Variants in KIRREL3 observed in about 807,000 individuals in gnomAD.
KIRREL3 encodes the protein kirre like nephrin family adhesion molecule 3, also known as kin of IRRE-like protein 3.
Under a neutral mutation model 89.7 loss-of-function variants are expected in KIRREL3, and 36 were observed. That is an observed-to-expected ratio of 0.40 (90% confidence interval 0.31 to 0.53). KIRREL3 has a LOEUF of 0.53. Ranked by LOEUF, KIRREL3 falls within the 20% of genes least tolerant of loss-of-function variation. The probability of loss-of-function intolerance (pLI) is 0.49; values close to 1 mark genes in which losing one functional copy is unlikely to be tolerated. For missense variants in KIRREL3, 864 were observed against 1,056.6 expected (o/e 0.82, Z 2.53); for synonymous variants, 445 against 441.4 (o/e 1.01, Z -0.10).
At position 126,645,397 on chromosome 11, in the gene KIRREL3, C is replaced by G. The variant is rs1053520229; in HGVS notation, c.56-82485G>C. Among the ~76,000 whole-genome samples, 1 of 152,144 alleles carries G rather than the reference C, an allele frequency of 6.6e-6. No homozygotes were observed. Among genetic ancestry groups the G allele is most frequent in the African/African-American group, 2.4e-5 (1 of 41,436 alleles). On this transcript the variant is annotated intron_variant, in intron 1 of 16. Transcript: ENST00000525144. The surrounding 1 kb of genome is among the most constrained non-coding windows in gnomAD (Gnocchi z 4.9). ...GGTATGCCAGCCTTTCTCCTTCCAC[C>G]GTGAGCCATTTGAGGGCAGAGACCA...
In KIRREL3 at chr11:126,535,547, A is replaced by T. The variant is rs1046705470; in HGVS notation, c.134-8860T>A. 6.6e-6 allele frequency among the ~76,000 whole-genome samples: 1 copy of T among 151,704 alleles called. No homozygotes were observed. Among genetic ancestry groups the T allele is most frequent in the African/African-American group, 2.4e-5 (1 of 41,190 alleles). On this transcript the variant is annotated intron_variant, in intron 2 of 16. Coordinates refer to ENST00000525144, the MANE Select transcript of KIRREL3 (RefSeq NM_032531.4). The surrounding 1 kb of genome is among the most constrained non-coding windows in gnomAD (Gnocchi z 4.5). Reference sequence around the variant, plus strand: ...CCACGTCACTCGGTGTGATGGTCTTAGGGCAGCACTGCAGGGTGCTGGGTC... The same window carrying T: ...CCACGTCACTCGGTGTGATGGTCTTTGGGCAGCACTGCAGGGTGCTGGGTC...
rs923062723 is a variant in KIRREL3, at chr11:126,563,962, A to G, written c.56-1050T>C. 3.9e-5 allele frequency among the ~76,000 whole-genome samples: 6 copies of G among 152,226 alleles called. No individual in the cohort carries two copies. Among genetic ancestry groups the G allele is most frequent in the African/African-American group, 1.4e-4 (6 of 41,462 alleles). On this transcript the variant is annotated intron_variant, in intron 1 of 16. Coordinates refer to ENST00000525144, the MANE Select transcript of KIRREL3 (RefSeq NM_032531.4). This position sits in a 1 kb window ranked among gnomAD's most constrained non-coding sequence, Gnocchi z 6.8. ...AATTGAGGTTCAACCATGTTAAATG[A>G]CTTCCCACGATTGTCTTAGACCCCC... is the stretch of plus-strand genomic sequence containing the variant.
rs1957625159 is a variant in KIRREL3 at position 126,495,201 on chromosome 11, C to T, written c.434-21735G>A. ...GACAGATGGAGGAGGACACTTAGGG[C>T]AGGGCCTGCAAACTGGCTCTTCCTT... On this transcript the variant is annotated intron_variant, in intron 4 of 16. Transcript: ENST00000525144. This position sits in a 1 kb window ranked among gnomAD's most constrained non-coding sequence, Gnocchi z 6.5. Among the ~76,000 whole-genome samples, 1 of 152,154 alleles carries T rather than the reference C, an allele frequency of 6.6e-6. No homozygotes were observed. The highest frequency in any genetic ancestry group is 1.5e-5 in the Non-Finnish European group (1 of 68,030).
rs1371254373 is a variant in KIRREL3, at chr11:126,723,434, A to G, written c.56-160522T>C. Among the ~76,000 whole-genome samples, 3 of 152,252 alleles carry G rather than the reference A, an allele frequency of 2.0e-5. No individual in the cohort carries two copies. Among genetic ancestry groups the G allele is most frequent in the South Asian group, 2.1e-4 (1 of 4,822 alleles). On this transcript the variant is annotated intron_variant, in intron 1 of 16. Coordinates refer to ENST00000525144, the MANE Select transcript of KIRREL3 (RefSeq NM_032531.4). The surrounding 1 kb of genome is among the most constrained non-coding windows in gnomAD (Gnocchi z 4.0). Reference sequence around the variant, plus strand: ...TTCACTCTACCATAAAGAGGTAACAATTTAAAAAAATCAACTCTCCTCAGC... The same window carrying G: ...TTCACTCTACCATAAAGAGGTAACAGTTTAAAAAAATCAACTCTCCTCAGC...
At position 126,612,738 on chromosome 11, in the gene KIRREL3, G is replaced by A. The variant is rs1236170909; in HGVS notation, c.56-49826C>T. On this transcript the variant is annotated intron_variant, in intron 1 of 16. Transcript: ENST00000525144. The surrounding 1 kb of genome is among the most constrained non-coding windows in gnomAD (Gnocchi z 4.5). ...CCTATACTGGACACTCCTACAACAT[G>A]TGGCCTTTTGTGTCCGTCTCCTTTC... Among the ~76,000 whole-genome samples, 1 of 152,128 alleles carries A rather than the reference G, an allele frequency of 6.6e-6. No homozygotes were observed. The highest frequency in any genetic ancestry group is 2.4e-5 in the African/African-American group (1 of 41,400).
chr11:126,686,537 G>A lies in KIRREL3; in HGVS notation c.56-123625C>T, dbSNP rs1946672131. Among the ~76,000 whole-genome samples, 1 of 152,096 alleles carries A rather than the reference G, an allele frequency of 6.6e-6. No individual in the cohort carries two copies. The highest frequency in any genetic ancestry group is 2.4e-5 in the African/African-American group (1 of 41,414). Reference sequence around the variant, plus strand: ...AGCGGGGAGGGTGGGGAGGGACTGTGCGTTCCTGCGCATGTTACCCTACAC... The same window carrying A: ...AGCGGGGAGGGTGGGGAGGGACTGTACGTTCCTGCGCATGTTACCCTACAC... On this transcript the variant is annotated intron_variant, in intron 1 of 16. Coordinates refer to ENST00000525144, the MANE Select transcript of KIRREL3 (RefSeq NM_032531.4). This position sits in a 1 kb window ranked among gnomAD's most constrained non-coding sequence, Gnocchi z 4.7.
intron 1 of KIRREL3, among the ~76,000 whole-genome samples, chr11:126,947,240 C>A (rs567641174): frequency 2.6e-5 from 4 of 152,254 alleles, no homozygotes; most frequent in African/African-American, 9.6e-5. Flanking sequence ...TTTCAATTGC[C>A]ACCTGAACAC....
intron 1 of KIRREL3, among the ~76,000 whole-genome samples, chr11:126,862,064 C>T (rs971489118): frequency 3.9e-5 from 6 of 152,310 alleles, no homozygotes; most frequent in East Asian, 1.9e-4. Flanking sequence ...AAGCCACAGC[C>T]GAGTGAAGGC....
chr11:126,429,335 T>A lies in KIRREL3; in HGVS notation c.1697-47A>T. ...GTAGATGATAGATTTAGTTCTTACC[T>A]TTGAGATGTCAAGCTCCCTTGCAGT... On this transcript the variant is annotated intron_variant, in intron 14 of 16. Transcript: ENST00000525144. This position sits in a 1 kb window ranked among gnomAD's most constrained non-coding sequence, Gnocchi z 5.2. The A allele has an allele frequency of 7.3e-7, 1 of 1,374,980 alleles. No individual in the cohort carries two copies. Among genetic ancestry groups the A allele is most frequent in the Non-Finnish European group, 1.0e-6 (1 of 966,486 alleles). 85.2% of individuals were successfully genotyped at this position (1,374,980 alleles called of 1,614,324 possible).
chr11:126,786,575 G>T (rs1592127234), intron 1 of KIRREL3, among the ~76,000 whole-genome samples: 1 of 152,282 alleles, frequency 6.6e-6, no homozygotes, highest in Non-Finnish European at 1.5e-5. Flanking sequence ...TAGTGTAATG[G>T]TTTCCTAACA....
rs150657710 is a variant in KIRREL3 at position 126,908,204 on chromosome 11, C to A, written c.55+92251G>T. Among the ~76,000 whole-genome samples the A allele has an allele frequency of 2.8e-4, 42 of 152,294 alleles. 1 individual carries two copies. The East Asian group carries it at 7.9e-3, about 29-fold the overall frequency. On this transcript the variant is annotated intron_variant, in intron 1 of 16. Coordinates refer to ENST00000525144, the MANE Select transcript of KIRREL3 (RefSeq NM_032531.4). The surrounding 1 kb of genome is among the most constrained non-coding windows in gnomAD (Gnocchi z 4.2). Reference sequence around the variant, plus strand: ...TTTCAGTGCCTAGGCACATAATAGACCCTTGATAAATATTTATTAAATAAA... The same window carrying A: ...TTTCAGTGCCTAGGCACATAATAGAACCTTGATAAATATTTATTAAATAAA...
At chr11:126,894,480 G>C (rs1946059676) in intron 1 of KIRREL3, among the ~76,000 whole-genome samples, 1 of 143,700 alleles carries the variant, frequency 7.0e-6, no homozygotes. Context: ...AGGCCAAGGT[G>C]GGCAGATCCC....
chr11:126,809,278 G>A (rs910238707), intron 1 of KIRREL3, among the ~76,000 whole-genome samples: 2 of 152,150 alleles, frequency 1.3e-5, no homozygotes, highest in African/African-American at 2.4e-5. Context: ...AATCTCCTCC[G>A]TGCTCTAGGA....
In KIRREL3 at chr11:126,533,372, A is replaced by G. The variant is rs115903726; in HGVS notation, c.134-6685T>C. 2.8e-3 allele frequency among the ~76,000 whole-genome samples: 430 copies of G among 151,906 alleles called. 3 individuals carry two copies. Among genetic ancestry groups the G allele is most frequent in the African/African-American group, 9.5e-3 (392 of 41,418 alleles). ...CAGGAACTCATAGAACCCACCTTAG[A>G]CCTCCCTCTCCCACTGCCCTTGGCC... is the stretch of plus-strand genomic sequence containing the variant. On this transcript the variant is annotated intron_variant, in intron 2 of 16. Transcript: ENST00000525144.
At chr11:126,998,429 G>A (rs1045027040) in intron 1 of KIRREL3, among the ~76,000 whole-genome samples, 12 of 152,130 alleles carry the variant, frequency 7.9e-5, no homozygotes, top group African/African-American at 2.9e-4. Flanking sequence ...GTTTAGACCT[G>A]TTTTCCAGCC....
chr11:126,451,479 TGTGTGC>T (rs1324308843), intron 7 of KIRREL3, among the ~76,000 whole-genome samples: 10 of 149,022 alleles, frequency 6.7e-5, no homozygotes, highest in African/African-American at 2.0e-4. Context: ...TGTGCATGTG[TGTGTGC>T]GCATGTGTGT....
chr11:126,597,162 C>T (rs1003478034), intron 1 of KIRREL3, among the ~76,000 whole-genome samples: 3 of 152,224 alleles, frequency 2.0e-5, no homozygotes. Context: ...GAACTACCCA[C>T]CCAATCAGAG....
intron 1 of KIRREL3, among the ~76,000 whole-genome samples, chr11:126,674,615 T>G (rs1375966274): frequency 1.3e-5 from 2 of 152,228 alleles, no homozygotes; most frequent in Non-Finnish European, 2.9e-5. Context: ...GCCCTTGCAC[T>G]GCTTGGGGAC....
chr11:126,856,142 T>C (rs550054421), intron 1 of KIRREL3, among the ~76,000 whole-genome samples: 3 of 152,206 alleles, frequency 2.0e-5, no homozygotes, highest in Non-Finnish European at 4.4e-5. Flanking sequence ...CAGAGCCATA[T>C]GCACTTTGAT....
Sources: allele counts gnomAD v4.1 joint callset (sites outside exome capture counted in the v4.1 genomes callset), GRCh38; gene constraint gnomAD v4.1.1; non-coding constraint Gnocchi (gnomAD v3.1); transcripts MANE v1.5; gene names NCBI Gene and HGNC (gene_info 2026-07-23, HGNC 2026-07-21).